Variants in HPD observed in about 807,000 individuals in gnomAD.
HPD encodes the protein 4-hydroxyphenylpyruvic acid oxidase.
A neutral mutation model predicts 56.9 loss-of-function variants in HPD; 35 were observed. The observed-to-expected ratio is 0.62, with a 90% CI of 0.47 to 0.82. HPD has a LOEUF of 0.82. Ranked by LOEUF, HPD falls within the 40% of genes least tolerant of loss-of-function variation. HPD has a pLI of 0.00. For synonymous variants in HPD, 186 were observed against 200.2 expected (o/e 0.93, Z 0.60); for missense variants, 442 against 506.8 (o/e 0.87, Z 1.23).
chr12:121,863,815 G>A (rs959837277), upstream of HPD, among the ~76,000 whole-genome samples: 1 of 151,904 alleles, frequency 6.6e-6, no homozygotes, highest in African/African-American at 2.4e-5. Context: ...AGGGTGGAGA[G>A]TTATATAAGC....
At chr12:121,876,509 C>T in the HPD span, among the ~76,000 whole-genome samples, 2 of 152,128 alleles carry the variant, frequency 1.3e-5, no homozygotes, top group Non-Finnish European at 2.9e-5. Flanking sequence ...AGGGCTTTTC[C>T]TTCCTCTCAG....
At position 121,840,140 on chromosome 12, in the gene HPD, A is replaced by C. The variant is rs987941151; in HGVS notation, c.955-92T>G. ...GGGCTCCTGCACCCCAAAAGTCTGG[A>C]AATGACCTCTTTTTCTGGCAGTTCA... On this transcript the variant is annotated intron_variant, in intron 12 of 13. Coordinates refer to ENST00000289004, the MANE Select transcript of HPD (RefSeq NM_002150.3). 8.2e-6 allele frequency: 7 copies of C among 849,636 alleles called. No individual in the cohort carries two copies. The African/African-American group carries it at 1.2e-4, about 14-fold the overall frequency. 52.6% of individuals were successfully genotyped at this position (849,636 alleles called of 1,614,324 possible).
the HPD span, among the ~76,000 whole-genome samples, chr12:121,883,181 TGTG>T: frequency 0.16 from 365 of 2,290 alleles, no homozygotes; most frequent in African/African-American, 0.24. Context: ...GAGCATAAGT[TGTG>T]TGTGTGTGTG....
At chr12:121,856,657 T>A (rs1210873870) in intron 4 of HPD, 32 bp from the exon 5 acceptor site, 1 of 1,609,548 alleles carries the variant, frequency 6.2e-7, no homozygotes, top group Non-Finnish European at 8.5e-7. Context: ...GTGAGGCTAG[T>A]GGCTCAGGGG....
intron 12 of HPD, among the ~76,000 whole-genome samples, chr12:121,842,202 C>A (rs1877430098): frequency 6.6e-6 from 1 of 151,780 alleles, no homozygotes; most frequent in Non-Finnish European, 1.5e-5. Context: ...TGGCTCACTG[C>A]AGCTTTGACC....
chr12:121,888,580 G>A, the HPD span, among the ~76,000 whole-genome samples: 1 of 152,222 alleles, frequency 6.6e-6, no homozygotes, highest in South Asian at 2.1e-4. Flanking sequence ...GCTGGGGCGA[G>A]ATCATCCCCT....
chr12:121,841,753 G>A (rs1173890623), intron 12 of HPD, among the ~76,000 whole-genome samples: 1 of 151,632 alleles, frequency 6.6e-6, no homozygotes, highest in Non-Finnish European at 1.5e-5. Context: ...GCGCGATCTC[G>A]GCTCACTGCA....
chr12:121,884,241 G>A, the HPD span, among the ~76,000 whole-genome samples: 2 of 147,890 alleles, frequency 1.4e-5, no homozygotes, highest in Non-Finnish European at 3.0e-5. Context: ...CATGATCGCC[G>A]CTCACTGCAA....
intron 11 of HPD, among the ~76,000 whole-genome samples, chr12:121,845,912 CG>C (rs1409873658): frequency 6.6e-6 from 1 of 152,032 alleles, no homozygotes; most frequent in African/African-American, 2.4e-5. Flanking sequence ...TTTGAGGTTG[CG>C]GGGAGATAGG....
chr12:121,850,472 CTTTTT>C (rs572420297), intron 7 of HPD, among the ~76,000 whole-genome samples: 1 of 120,166 alleles, frequency 8.3e-6, no homozygotes, highest in Admixed American at 9.5e-5. Flanking sequence ...CTTTAACCAT[CTTTTT>C]TTTTTTTTTT....
At chr12:121,846,790 C>T in intron 11 of HPD, 72 bp downstream of exon 11, 2 of 1,438,908 alleles carry the variant, frequency 1.4e-6, no homozygotes, top group Non-Finnish European at 1.9e-6. Context: ...CGCCACCCGC[C>T]CTCTCAATTT....
intron 3 of HPD, 91 bp downstream of exon 3, chr12:121,857,666 G>T (rs895937410): frequency 3.3e-5 from 37 of 1,133,554 alleles, no homozygotes; most frequent in Middle Eastern, 2.2e-4. Flanking sequence ...CCTCCCAAGG[G>T]CCAATCACAG....
rs768775184 is a variant in HPD at position 121,854,774 on chromosome 12, C to T, written c.343G>A (p.Ala115Thr). 20 of 1,613,792 alleles carry T rather than the reference C, an allele frequency of 1.2e-5. No individual in the cohort carries two copies. The highest frequency in any genetic ancestry group is 8.3e-5 in the Admixed American group (5 of 59,976). Residue 115 changes from alanine (A) to threonine (T), a missense_variant, in exon 7 of 14, where the codon GCC becomes ACC. Physicochemically the swap from Ala to Thr is moderately conservative, Grantham distance 58. Coordinates refer to ENST00000289004, the MANE Select transcript of HPD (RefSeq NM_002150.3). ...ACCCAGGGCTCCCGCATGATTTTGGCGCCCCGTTCCCGTGCTTTCTGCAGA... is the reference window on the plus strand; with the variant it reads ...ACCCAGGGCTCCCGCATGATTTTGGTGCCCCGTTCCCGTGCTTTCTGCAGA... ...YIVQKARERG[A>T]KIMREPWVEQ... is the part of the protein sequence containing the mutation.
At chr12:121,848,306 C>T (rs1315415218) in intron 9 of HPD, among the ~76,000 whole-genome samples, 1 of 151,932 alleles carries the variant, frequency 6.6e-6, no homozygotes, top group African/African-American at 2.4e-5. Flanking sequence ...TTTTATTTTA[C>T]TTTATTATTA....
Position 121,856,704 on chromosome 12 carries a change from G to A in HPD, c.199-79C>T, listed in dbSNP as rs368749740. The A allele has an allele frequency of 8.5e-5, 112 of 1,322,508 alleles. 1 individual carries two copies. The African/African-American group carries it at 1.3e-3, about 15-fold the overall frequency. The allele number at this position is 1,322,508 out of a possible 1,614,324, so 81.9% of individuals were successfully genotyped here. A position where few individuals can be genotyped will look rare whatever the true frequency, so the allele number is the denominator to read the frequency against. The stretch of plus-strand genomic sequence containing the variant: ...GTGCACCCATCGGCCCCTCCCTGCC[G>A]ACCCGAAACACCCCTGATGGAGCAC... On this transcript the variant is annotated intron_variant, in intron 4 of 13. Coordinates refer to ENST00000289004, the MANE Select transcript of HPD (RefSeq NM_002150.3).
chr12:121,870,085 A>AT, the HPD span, among the ~76,000 whole-genome samples: 4,247 of 140,060 alleles, frequency 0.03, 115 homozygotes, highest in South Asian at 0.14. Context: ...GCGTAAGCTG[A>AT]TTTTTTTTTT....
chr12:121,886,270 G>A, the HPD span, among the ~76,000 whole-genome samples: 1 of 151,498 alleles, frequency 6.6e-6, no homozygotes, highest in Non-Finnish European at 1.5e-5. Flanking sequence ...CACCATGCCC[G>A]GCTAAATTTT....
upstream of HPD, among the ~76,000 whole-genome samples, chr12:121,865,137 G>A (rs372009646): frequency 2.0e-4 from 30 of 151,814 alleles, no homozygotes; most frequent in Admixed American, 9.2e-4. Context: ...GCATGATGGC[G>A]GGCACCCGTA....
At chr12:121,848,221 C>T (rs1162817822) in intron 9 of HPD, among the ~76,000 whole-genome samples, 3 of 152,120 alleles carry the variant, frequency 2.0e-5, no homozygotes, top group African/African-American at 7.2e-5. Flanking sequence ...TCCATGTTGA[C>T]AGTTTTACAG....
Sources: gnomAD v4.1 joint callset for allele counts (sites outside exome capture counted in the v4.1 genomes callset) on GRCh38, gnomAD v4.1.1 for gene constraint, MANE v1.5 for transcripts, NCBI Gene and HGNC (gene_info 2026-07-23, HGNC 2026-07-21) for gene names.